The following FGD4 variants were observed in gnomAD, a reference collection of about 807,000 sequenced individuals.
The protein encoded by FGD4 is FYVE, RhoGEF and PH domain-containing protein 4.
Under a neutral mutation model 102.0 loss-of-function variants are expected in FGD4, and 42 were observed. The ratio of observed to expected loss-of-function variants is 0.41; its 90% CI spans 0.32 to 0.53. The LOEUF (loss-of-function observed/expected upper bound fraction) is 0.53, where lower values mean the gene tolerates loss of function less well. FGD4 is among the 20% of genes least tolerant of loss of function. The pLI, the probability that FGD4 is intolerant of heterozygous loss-of-function variation, is 0.21. For synonymous variants in FGD4, 380 were observed against 375.7 expected (o/e 1.01, Z -0.13); for missense variants, 902 against 1,078.2 (o/e 0.84, Z 2.29).
intron 2 of FGD4, among the ~76,000 whole-genome samples, chr12:32,566,399 G>A (rs747880253): frequency 6.6e-6 from 1 of 152,070 alleles, no homozygotes; most frequent in East Asian, 1.9e-4. Context: ...ACAGCACTCC[G>A]TATGAACTTT....
intron 1 of FGD4, among the ~76,000 whole-genome samples, chr12:32,458,434 A>G (rs1351169882): frequency 6.6e-6 from 1 of 152,024 alleles, no homozygotes; most frequent in Non-Finnish European, 1.5e-5. Flanking sequence ...TTGGCCTCCC[A>G]AAGTGCTGAG....
chr12:32,615,621 A>G (rs141604374), intron 10 of FGD4, among the ~76,000 whole-genome samples: 143 of 152,202 alleles, frequency 9.4e-4, no homozygotes, highest in African/African-American at 3.3e-3. Flanking sequence ...AAAAGATCAC[A>G]TGACTGCCAT....
Position 32,625,791 on chromosome 12 carries a change from T to A in FGD4, c.2172+12T>A, listed in dbSNP as rs945554080. 1.2e-6 allele frequency: 2 copies of A among 1,613,828 alleles called. No homozygotes were observed. Among genetic ancestry groups the A allele is most frequent in the Non-Finnish European group, 1.7e-6 (2 of 1,179,846 alleles). On this transcript the variant is annotated intron_variant, in intron 14 of 16. Coordinates refer to ENST00000534526, the MANE Select transcript of FGD4 (RefSeq NM_001370298.3). Reference sequence around the variant, plus strand: ...GAGCATGTGGATATGTAAGTGAGATTTCTTGATCATTAAGGTTGCTAGTAA... The same window carrying A: ...GAGCATGTGGATATGTAAGTGAGATATCTTGATCATTAAGGTTGCTAGTAA...
chr12:32,433,982 A>C (rs555947172), intron 1 of FGD4, among the ~76,000 whole-genome samples: 1 of 152,048 alleles, frequency 6.6e-6, no homozygotes, highest in Admixed American at 6.6e-5. Flanking sequence ...CAGCCTCCCG[A>C]GTAGCTAGGA....
At chr12:32,538,288 CTAATAGA>C (rs1410775362) in intron 1 of FGD4, among the ~76,000 whole-genome samples, 1 of 152,152 alleles carries the variant, frequency 6.6e-6, no homozygotes, top group Non-Finnish European at 1.5e-5. Flanking sequence ...AGAAAGGTAA[CTAATAGA>C]TACTGGGTGC....
intron 1 of FGD4, among the ~76,000 whole-genome samples, chr12:32,414,834 C>T (rs1055984595): frequency 6.6e-6 from 1 of 151,994 alleles, no homozygotes; most frequent in African/African-American, 2.4e-5. Flanking sequence ...ATTTTGGGTT[C>T]GGTTTGCTCT....
At position 32,631,773 on chromosome 12, in the gene FGD4, T is replaced by C. The variant is rs560994284; in HGVS notation, c.2173-1776T>C. Among the ~76,000 whole-genome samples the C allele has an allele frequency of 7.0e-4, 107 of 152,230 alleles. No individual in the cohort carries two copies. In the Middle Eastern group the frequency reaches 0.014, roughly 19 times the overall value. On this transcript the variant is annotated intron_variant, in intron 14 of 16. Transcript: ENST00000534526. ...CCTGCTTTGGCCTCCCAAAGTGCTG[T>C]GATTGCAAGCATGAGCCACCATGTC...
At chr12:32,433,071 A>C (rs909939363) in intron 1 of FGD4, among the ~76,000 whole-genome samples, 8 of 151,662 alleles carry the variant, frequency 5.3e-5, no homozygotes, top group Admixed American at 5.3e-4. Context: ...ATCTTACCTC[A>C]CTGCAACCTC....
chr12:32,502,379 T>TTG, intron 1 of FGD4: 1 of 977,908 alleles, frequency 1.0e-6, no homozygotes, highest in Non-Finnish European at 1.2e-6. Context: ...TGTAGTACGT[T>TTG]TGTGTGGGGG....
intron 7 of FGD4, among the ~76,000 whole-genome samples, chr12:32,603,557 T>C (rs564715057): frequency 6.6e-6 from 1 of 151,520 alleles, no homozygotes; most frequent in Admixed American, 6.6e-5. Context: ...GGCTAATTTT[T>C]TGTATTTTTA....
chr12:32,586,928 C>T lies in FGD4; in HGVS notation c.1011+4461C>T, dbSNP rs137885648. ...ATTCTGGGCTGGGTGCAGTGGCTCACCCCTGTAATCCCAGCACTTTGGGAG... is the reference window on the plus strand; with the variant it reads ...ATTCTGGGCTGGGTGCAGTGGCTCATCCCTGTAATCCCAGCACTTTGGGAG... On this transcript the variant is annotated intron_variant, in intron 4 of 16. Coordinates refer to ENST00000534526, the MANE Select transcript of FGD4 (RefSeq NM_001370298.3). 7.5e-3 allele frequency among the ~76,000 whole-genome samples: 1,138 copies of T among 152,214 alleles called. 11 individuals are homozygous for T. The highest frequency in any genetic ancestry group is 0.026 in the African/African-American group (1,081 of 41,538).
rs763590845 is a variant in FGD4 at position 32,638,790 on chromosome 12, C to T, written c.2449C>T (p.Pro817Ser). 6.2e-7 allele frequency: 1 copy of T among 1,613,854 alleles called. No individual in the cohort carries two copies. The highest frequency in any genetic ancestry group is 1.3e-5 in the African/African-American group (1 of 74,900). ...DPLVLYMYGA[P>S]QDVRAQATIP... The stretch of plus-strand genomic sequence containing the variant: ...TCTTGTGCTGTACATGTATGGTGCC[C>T]CCCAGGTATCTAAACCACATCTGTC... The change falls in exon 16 of 17, where the codon CCC becomes TCC. Residue 817 changes from proline (P) to serine (S), a missense_variant. Pro to Ser is a moderately conservative substitution (Grantham distance 74). Around this residue, in one of 2 missense-constraint regions of FGD4, gnomAD observed 459 missense variants for 619.0 expected, o/e 0.74. Coordinates refer to ENST00000534526, the MANE Select transcript of FGD4 (RefSeq NM_001370298.3).
chr12:32,572,443 T>G (rs187562018), intron 2 of FGD4, among the ~76,000 whole-genome samples: 18 of 152,312 alleles, frequency 1.2e-4, no homozygotes, highest in African/African-American at 3.6e-4. Flanking sequence ...GTTTTAAATG[T>G]CACACTATTG....
At chr12:32,439,356 C>G (rs902500541) in intron 1 of FGD4, among the ~76,000 whole-genome samples, 5 of 152,184 alleles carry the variant, frequency 3.3e-5, no homozygotes, top group African/African-American at 1.2e-4. Flanking sequence ...TTCTATTCAG[C>G]TGTTGCTGAA....
At chr12:32,485,541 C>A (rs1236571123) in intron 1 of FGD4, among the ~76,000 whole-genome samples, 1 of 149,540 alleles carries the variant, frequency 6.7e-6, no homozygotes, top group Non-Finnish European at 1.5e-5. Flanking sequence ...CCCAGGTTCA[C>A]GCTATTCTCT....
chr12:32,400,941 A>G (rs1482632491), intron 1 of FGD4, among the ~76,000 whole-genome samples: 1 of 152,240 alleles, frequency 6.6e-6, no homozygotes, highest in Non-Finnish European at 1.5e-5. Context: ...GAAAAACATG[A>G]TGAATTAAAA....
chr12:32,456,555 G>A (rs965642154), intron 1 of FGD4, among the ~76,000 whole-genome samples: 1 of 152,074 alleles, frequency 6.6e-6, no homozygotes, highest in Non-Finnish European at 1.5e-5. Flanking sequence ...GTAACTCGTG[G>A]GAGGATTTAT....
In FGD4 at chr12:32,506,283, A is replaced by T. The variant is rs550904141; in HGVS notation, c.167-57854A>T. 3.3e-5 allele frequency among the ~76,000 whole-genome samples: 5 copies of T among 151,950 alleles called. No individual in the cohort carries two copies. Among genetic ancestry groups the T allele is most frequent in the South Asian group, 4.2e-4 (2 of 4,816 alleles). On this transcript the variant is annotated intron_variant, in intron 1 of 16. Coordinates refer to ENST00000534526, the MANE Select transcript of FGD4 (RefSeq NM_001370298.3). The surrounding 1 kb of genome is among the most constrained non-coding windows in gnomAD (Gnocchi z 4.5). The stretch of plus-strand genomic sequence containing the variant: ...TTCTCCATAATCAAAGTCATAAGAA[A>T]CAGTTTGTCATTATAAATACCAAGC...
chr12:32,526,931 T>C (rs1188770171), intron 1 of FGD4, among the ~76,000 whole-genome samples: 1 of 152,186 alleles, frequency 6.6e-6, no homozygotes, highest in Non-Finnish European at 1.5e-5. Context: ...TAGTATTACG[T>C]CGCATGAATA....
Sources: allele counts gnomAD v4.1 joint callset (sites outside exome capture counted in the v4.1 genomes callset), GRCh38; gene constraint gnomAD v4.1.1; regional missense constraint gnomAD v4.1.1; non-coding constraint Gnocchi (gnomAD v3.1); transcripts MANE v1.5; gene names NCBI Gene and HGNC (gene_info 2026-07-23, HGNC 2026-07-21).